Variants in NCOA7 observed in about 807,000 individuals in gnomAD.
The protein encoded by NCOA7 is nuclear receptor coactivator 7.
NCOA7 carries 45 observed loss-of-function variants against 104.3 expected under a neutral mutation model. The observed-to-expected ratio is 0.43, with a 90% CI of 0.34 to 0.55. NCOA7 has a LOEUF of 0.55. Ranked by LOEUF, NCOA7 falls within the 20% of genes least tolerant of loss-of-function variation. The pLI is 0.02. For synonymous variants in NCOA7, 398 were observed against 402.3 expected (o/e 0.99, Z 0.13); for missense variants, 1,041 against 1,119.7 (o/e 0.93, Z 1.00).
intron 9 of NCOA7, 71 bp downstream of exon 9, chr6:125,890,052 A>G: frequency 8.8e-7 from 1 of 1,133,316 alleles, no homozygotes; most frequent in Non-Finnish European, 1.2e-6. Context: ...CACATGTAAT[A>G]CCCACATTAG....
At position 125,816,141 on chromosome 6, in the gene NCOA7, G is replaced by C. The variant is rs544230210; in HGVS notation, c.50+737G>C. 2.0e-5 allele frequency among the ~76,000 whole-genome samples: 3 copies of C among 152,166 alleles called. No homozygotes were observed. The East Asian group carries it at 5.8e-4, about 29-fold the overall frequency. On this transcript the variant is annotated intron_variant, in intron 2 of 15. Coordinates refer to ENST00000392477, the MANE Select transcript of NCOA7 (RefSeq NM_181782.5). ...TGAATTTAGCCTCATTCCATCCCCA[G>C]TCCCCAGGCTGTGCTCATTAGAGAT...
intron 2 of NCOA7, among the ~76,000 whole-genome samples, chr6:125,840,321 G>C (rs1448053440): frequency 6.6e-6 from 1 of 151,988 alleles, no homozygotes; most frequent in Non-Finnish European, 1.5e-5. Flanking sequence ...AACTGATAAA[G>C]TAAAAAAGTT....
chr6:125,798,824 C>A (rs1775592397), intron 1 of NCOA7, among the ~76,000 whole-genome samples: 1 of 151,986 alleles, frequency 6.6e-6, no homozygotes, highest in Admixed American at 6.6e-5. Context: ...AATTATGTAT[C>A]ATCCGATTTT....
At chr6:125,799,838 A>G (rs1775722790) in intron 1 of NCOA7, among the ~76,000 whole-genome samples, 1 of 152,226 alleles carries the variant, frequency 6.6e-6, no homozygotes, top group Admixed American at 6.5e-5. Context: ...AGAACACAGG[A>G]AAATCGGATG....
chr6:125,926,281 C>T (rs1388644107), intron 13 of NCOA7, among the ~76,000 whole-genome samples: 1 of 150,132 alleles, frequency 6.7e-6, no homozygotes. Flanking sequence ...CATTGCACTC[C>T]AGCCTGGGCA....
intron 1 of NCOA7, among the ~76,000 whole-genome samples, chr6:125,799,443 CTTTTT>C (rs35143077): frequency 3.6e-5 from 5 of 138,008 alleles, no homozygotes; most frequent in African/African-American, 1.1e-4. Context: ...CTTAGTTGTT[CTTTTT>C]TTTTTTTTTT....
At chr6:125,869,455 T>G (rs1157927432) in intron 3 of NCOA7, among the ~76,000 whole-genome samples, 1 of 152,224 alleles carries the variant, frequency 6.6e-6, no homozygotes, top group African/African-American at 2.4e-5. Flanking sequence ...ACAGGCAGAC[T>G]AATGACCCCC....
intron 2 of NCOA7, among the ~76,000 whole-genome samples, chr6:125,844,760 G>A (rs1562889030): frequency 1.3e-5 from 2 of 152,048 alleles, no homozygotes; most frequent in Non-Finnish European, 2.9e-5. Flanking sequence ...TTAATACCTG[G>A]CATTTGTCAC....
At chr6:125,886,117 A>G (rs938795664) in intron 8 of NCOA7, among the ~76,000 whole-genome samples, 2 of 151,386 alleles carry the variant, frequency 1.3e-5, no homozygotes, top group Admixed American at 6.6e-5. Context: ...GAGGCAAAGC[A>G]GTAGGTCCTA....
At chr6:125,861,435 A>T (rs1268069530) in intron 3 of NCOA7, among the ~76,000 whole-genome samples, 1 of 152,146 alleles carries the variant, frequency 6.6e-6, no homozygotes, top group African/African-American at 2.4e-5. Flanking sequence ...GTCTAATAAC[A>T]TTGCTCTTCT....
At chr6:125,854,513 G>A (rs1488482909) in intron 2 of NCOA7, among the ~76,000 whole-genome samples, 1 of 152,092 alleles carries the variant, frequency 6.6e-6, no homozygotes, top group Non-Finnish European at 1.5e-5. Flanking sequence ...ATGTTTAAAG[G>A]AAAAGAATTA....
At chr6:125,835,513 A>G (rs903908283) in intron 2 of NCOA7, among the ~76,000 whole-genome samples, 1 of 152,250 alleles carries the variant, frequency 6.6e-6, no homozygotes, top group Admixed American at 6.5e-5. Context: ...TCTGTATCTA[A>G]ATCCTTCCTT....
In NCOA7 at chr6:125,928,680, G is replaced by A. The variant is rs1189588855; in HGVS notation, c.2738G>A (p.Arg913Gln). 5.6e-6 allele frequency: 9 copies of A among 1,612,880 alleles called. No homozygotes were observed. The highest frequency in any genetic ancestry group is 2.2e-5 in the East Asian group (1 of 44,852). The change falls in exon 16 of 16, where the codon CGA (arginine) becomes CAA (glutamine). Residue 913 changes from arginine (R) to glutamine (Q), a missense_variant. This residue lies in a region of NCOA7 where 127 missense variants were observed against 177.0 expected (regional missense o/e 0.72). Transcript: ENST00000392477. The stretch of plus-strand genomic sequence containing the variant: ...CTAGATGCTGATTTATACCACGGAC[G>A]AAGCAACTCTTGCAGCACTTTCAAT... ...LWLDADLYHG[R>Q]SNSCSTFNND...
At chr6:125,911,366 C>T (rs1035269530) in intron 10 of NCOA7, among the ~76,000 whole-genome samples, 26 of 152,336 alleles carry the variant, frequency 1.7e-4, no homozygotes, top group Admixed American at 1.1e-3. Context: ...TGCCTCCCTT[C>T]TCTTTTTTGT....
In NCOA7 at chr6:125,855,234, A is replaced by G. The variant is rs763428656; in HGVS notation, c.265A>G (p.Ser89Gly). The G allele has an allele frequency of 1.2e-6, 2 of 1,600,106 alleles. No individual in the cohort carries two copies. Among genetic ancestry groups the G allele is most frequent in the South Asian group, 2.2e-5 (2 of 90,444 alleles). ...GCGTACAGAACTAAAGAGATATTAT[A>G]GTATTGGTGAGTATTCATGGCGTTA... is the stretch of plus-strand genomic sequence containing the variant. Reference protein sequence around the residue: ...IRRTELKRYYSIDDNQNKTHD... With the variant: ...IRRTELKRYYGIDDNQNKTHD... The change falls in exon 3 of 16, where the codon AGT becomes GGT. Residue 89 changes from serine (S) to glycine (G), a missense_variant. By Grantham distance (56) the Ser-to-Gly change is moderately conservative (BLOSUM62 0). Around this residue, in one of 2 missense-constraint regions of NCOA7, gnomAD observed 914 missense variants for 942.7 expected, o/e 0.97. Transcript: ENST00000392477.
chr6:125,816,466 G>A (rs1408394833), intron 2 of NCOA7, among the ~76,000 whole-genome samples: 1 of 152,168 alleles, frequency 6.6e-6, no homozygotes, highest in Admixed American at 6.5e-5. Flanking sequence ...CAAAAGGCAT[G>A]CTCCAGTTAG....
At chr6:125,918,856 C>T (rs1460667655) in intron 11 of NCOA7, among the ~76,000 whole-genome samples, 3 of 152,030 alleles carry the variant, frequency 2.0e-5, no homozygotes, top group Non-Finnish European at 4.4e-5. Flanking sequence ...CCGAAGGCTC[C>T]TTTTCATCCT....
chr6:125,887,907 A>G (rs1784369204), intron 8 of NCOA7, among the ~76,000 whole-genome samples: 2 of 152,162 alleles, frequency 1.3e-5, no homozygotes, highest in Admixed American at 1.3e-4. Flanking sequence ...CATATTTGAA[A>G]GTATTACTAT....
At chr6:125,857,361 G>A (rs544816906) in intron 3 of NCOA7, among the ~76,000 whole-genome samples, 10 of 151,186 alleles carry the variant, frequency 6.6e-5, no homozygotes, top group South Asian at 4.2e-4. Context: ...CCTCAACCTC[G>A]TGAGTAGCTG....
Sources: allele counts gnomAD v4.1 joint callset (sites outside exome capture counted in the v4.1 genomes callset), GRCh38; gene constraint gnomAD v4.1.1; regional missense constraint gnomAD v4.1.1; transcripts MANE v1.5; gene names NCBI Gene and HGNC (gene_info 2026-07-23, HGNC 2026-07-21).